PRSS12: variants seen among roughly 807,000 people sequenced by gnomAD.
PRSS12 encodes the protein serine protease 12.
PRSS12 carries 85 observed loss-of-function variants against 104.4 expected under a neutral mutation model. The ratio of observed to expected loss-of-function variants is 0.81; its 90% CI spans 0.68 to 0.98. The LOEUF is 0.98. PRSS12 is among the 50% of genes least tolerant of loss of function. PRSS12 has a pLI of 0.00. For synonymous variants in PRSS12, 454 were observed against 425.2 expected (o/e 1.07, Z -0.83); for missense variants, 1,141 against 1,139.2 (o/e 1.00, Z -0.02).
At chr4:118,295,935 A>G (rs1047343541) in intron 9 of PRSS12, 79 bp from the exon 10 acceptor site, 5 of 1,253,176 alleles carry the variant, frequency 4.0e-6, no homozygotes, top group Non-Finnish European at 3.5e-6. Context: ...TACTCCACTG[A>G]TGCTTCCTCC....
intron 9 of PRSS12, among the ~76,000 whole-genome samples, chr4:118,297,456 G>A (rs921642697): frequency 6.6e-6 from 1 of 151,620 alleles, no homozygotes; most frequent in African/African-American, 2.4e-5. Flanking sequence ...CAGTATTCAG[G>A]GGAAAGAGCT....
intron 4 of PRSS12, among the ~76,000 whole-genome samples, chr4:118,326,162 G>T (rs1399235838): frequency 6.6e-6 from 1 of 152,060 alleles, no homozygotes; most frequent in East Asian, 1.9e-4. Flanking sequence ...TATTTATTAG[G>T]TTATAAAAGA....
At position 118,285,566 on chromosome 4, in the gene PRSS12, C is replaced by T. The variant is rs193290629; in HGVS notation, c.2040-2455G>A. The stretch of plus-strand genomic sequence containing the variant: ...GCTGTAGTGCCCGATATAGTAGCCA[C>T]TAGCTAACTGTGGTTACTGCAGCAC... On this transcript the variant is annotated intron_variant, in intron 11 of 12. Transcript: ENST00000296498. 4.0e-3 allele frequency among the ~76,000 whole-genome samples: 612 copies of T among 152,146 alleles called. 3 individuals carry two copies. The highest frequency in any genetic ancestry group is 0.016 in the South Asian group (75 of 4,818).
chr4:118,315,601 T>C (rs983574066), intron 6 of PRSS12, among the ~76,000 whole-genome samples: 4 of 152,214 alleles, frequency 2.6e-5, no homozygotes, highest in Non-Finnish European at 5.9e-5. Flanking sequence ...TGCAGTTACT[T>C]CGACCAACTT....
At chr4:118,317,098 T>A (rs1425690773) in intron 5 of PRSS12, among the ~76,000 whole-genome samples, 1 of 151,870 alleles carries the variant, frequency 6.6e-6, no homozygotes, top group Non-Finnish European at 1.5e-5. Context: ...AGAAAAAAAC[T>A]ATTCTGGATA....
Position 118,352,257 on chromosome 4 carries a change from C to T in PRSS12, c.464G>A (p.Arg155His). 6.2e-7 allele frequency: 1 copy of T among 1,611,568 alleles called. No individual in the cohort carries two copies. The highest frequency in any genetic ancestry group is 8.5e-7 in the Non-Finnish European group (1 of 1,179,660). The part of the protein sequence containing the change: ...GRPWCFYGDA[R>H]GKVDWGYCDC... ...GCAGTAGCCCCAGTCCACCTTGCCA[C>T]GGGCGTCTCCGTAGAAACACCAGGG... is the stretch of plus-strand genomic sequence containing the variant. Residue 155 changes from arginine to histidine, a missense_variant, in exon 1 of 13, where the codon CGT becomes CAT. Coordinates refer to ENST00000296498, the MANE Select transcript of PRSS12 (RefSeq NM_003619.4).
chr4:118,336,935 A>G (rs754969082), intron 2 of PRSS12, among the ~76,000 whole-genome samples: 3 of 152,190 alleles, frequency 2.0e-5, no homozygotes, highest in Non-Finnish European at 4.4e-5. Context: ...TAAAATCAGT[A>G]ATTAACATTT....
chr4:118,280,793 G>A lies in PRSS12; in HGVS notation c.*1143C>T, dbSNP rs987189753. On this transcript the variant is annotated 3_prime_UTR_variant, in exon 13 of 13. Transcript: ENST00000296498. ...AATCATTTAGGTAGGAGAACCATGG[G>A]GAAAAAAATCAGCATTTTTTCTGGA... The A allele has an allele frequency of 1.2e-4, 19 of 152,102 alleles. No individual in the cohort carries two copies. The highest frequency in any genetic ancestry group is 4.3e-4 in the African/African-American group (18 of 41,424). 9.4% of individuals were successfully genotyped at this position (152,102 alleles called of 1,614,324 possible). A position where few individuals can be genotyped will look rare whatever the true frequency, so the allele number is the denominator to read the frequency against.
intron 8 of PRSS12, among the ~76,000 whole-genome samples, chr4:118,305,106 T>C (rs1202866195): frequency 6.8e-6 from 1 of 147,020 alleles, no homozygotes; most frequent in African/African-American, 2.5e-5. Flanking sequence ...ATAATTTATA[T>C]ATATATATAT....
chr4:118,303,499 A>G (rs1265579993), intron 8 of PRSS12: 3 of 152,164 alleles, frequency 2.0e-5, no homozygotes, highest in African/African-American at 4.8e-5. Context: ...GAAATCTAAT[A>G]CATTTTCTTT....
intron 11 of PRSS12, among the ~76,000 whole-genome samples, chr4:118,294,655 G>A (rs1160385762): frequency 6.6e-6 from 1 of 152,040 alleles, no homozygotes; most frequent in Non-Finnish European, 1.5e-5. Flanking sequence ...TTCAGCCTCA[G>A]ATACGTTCTT....
chr4:118,324,241 T>G (rs1028594587), intron 4 of PRSS12, among the ~76,000 whole-genome samples: 1 of 151,966 alleles, frequency 6.6e-6, no homozygotes, highest in African/African-American at 2.4e-5. Context: ...GATCCAACTA[T>G]GCACAGAAGA....
rs1231191073 is a variant in PRSS12, at chr4:118,298,872, A to G, written c.1698T>C (p.Asn566=). 1.2e-6 allele frequency: 2 copies of G among 1,614,062 alleles called. No individual in the cohort carries two copies. Among genetic ancestry groups the G allele is most frequent in the African/African-American group, 1.3e-5 (1 of 74,930 alleles). The change falls in exon 9 of 13, where the codon AAT becomes AAC. Residue 566 remains asparagine (N), a synonymous_variant. Coordinates refer to ENST00000296498, the MANE Select transcript of PRSS12 (RefSeq NM_003619.4). ...GEGKGPIHVD[N]VKCTGNERSL... is the part of the protein sequence containing the mutation. ...ACCTCTCATTTCCTGTGCACTTCACATTATCCACATGGATGGGTCCTTTTC... is the reference window on the plus strand; with the variant it reads ...ACCTCTCATTTCCTGTGCACTTCACGTTATCCACATGGATGGGTCCTTTTC...
At chr4:118,296,442 C>T (rs1484703681) in intron 9 of PRSS12, among the ~76,000 whole-genome samples, 1 of 151,564 alleles carries the variant, frequency 6.6e-6, no homozygotes, top group African/African-American at 2.4e-5. Flanking sequence ...AGACTTCTGT[C>T]AAGAACATAC....
intron 6 of PRSS12, among the ~76,000 whole-genome samples, chr4:118,314,883 A>T (rs1482944283): frequency 6.6e-6 from 1 of 152,122 alleles, no homozygotes; most frequent in African/African-American, 2.4e-5. Context: ...AATAGAAATG[A>T]CATGATTTTA....
At chr4:118,321,873 T>C (rs767258549) in intron 4 of PRSS12, among the ~76,000 whole-genome samples, 9 of 152,192 alleles carry the variant, frequency 5.9e-5, no homozygotes, top group Non-Finnish European at 1.3e-4. Flanking sequence ...TTTATGGAAG[T>C]AATTTATGGC....
At position 118,308,711 on chromosome 4, in the gene PRSS12, AG is replaced by A; in HGVS notation, c.1490-135del. ...GATGGGAAATACTTTTTTGAGAGAGAGGAGATATATCAATAAAAATTTTATC... is the reference window on the plus strand; with the variant it reads ...GATGGGAAATACTTTTTTGAGAGAGAGAGATATATCAATAAAAATTTTATC... On this transcript the variant is annotated intron_variant, in intron 7 of 12. Transcript: ENST00000296498. 2.4e-6 allele frequency: 3 copies of A among 1,237,040 alleles called. No homozygotes were observed. In the South Asian group the frequency reaches 3.8e-5, roughly 16 times the overall value. 76.6% of individuals were successfully genotyped at this position (1,237,040 alleles called of 1,614,324 possible). A position where few individuals can be genotyped will look rare whatever the true frequency, so the allele number is the denominator to read the frequency against.
intron 1 of PRSS12, among the ~76,000 whole-genome samples, chr4:118,346,254 A>G (rs2126045720): frequency 6.6e-6 from 1 of 152,282 alleles, no homozygotes; most frequent in East Asian, 1.9e-4. Flanking sequence ...AATAGGAACA[A>G]TAAGCCTCCT....
chr4:118,351,785 T>C (rs1011850482), intron 1 of PRSS12, among the ~76,000 whole-genome samples: 2 of 152,230 alleles, frequency 1.3e-5, no homozygotes, highest in Non-Finnish European at 2.9e-5. Context: ...GGGAAGGTTA[T>C]TGATTGCCAC....
Sources: gnomAD v4.1 joint callset for allele counts (sites outside exome capture counted in the v4.1 genomes callset) on GRCh38, gnomAD v4.1.1 for gene constraint, MANE v1.5 for transcripts, NCBI Gene and HGNC (gene_info 2026-07-23, HGNC 2026-07-21) for gene names.